SLC3A1: variants seen among roughly 807,000 people sequenced by gnomAD.
SLC3A1 encodes the protein solute carrier family 3 member 1.
In SLC3A1, 78 loss-of-function variants were observed where a neutral mutation model predicts 60.3. That is an observed-to-expected ratio of 1.29 (90% CI 1.08 to 1.56). The LOEUF is 1.56. SLC3A1 is among the 40% of genes most tolerant of loss of function. The probability of loss-of-function intolerance (pLI) is 0.00; values close to 1 mark genes in which losing one functional copy is unlikely to be tolerated. For missense variants in SLC3A1, 1,172 were observed against 858.9 expected (o/e 1.36, Z -4.56); for synonymous variants, 392 against 307.9 (o/e 1.27, Z -2.86).
chr2:44,291,905 CA>C (rs1322101076), intron 4 of SLC3A1, among the ~76,000 whole-genome samples: 2 of 152,162 alleles, frequency 1.3e-5, no homozygotes, highest in Admixed American at 1.3e-4. Context: ...TACTGGCCAT[CA>C]GGGGACTTGG....
chr2:44,299,031 CTTTTTTTTT>C (rs3074475), intron 4 of SLC3A1, among the ~76,000 whole-genome samples: 33 of 124,370 alleles, frequency 2.7e-4, no homozygotes, highest in African/African-American at 6.9e-4. Context: ...ATGTAGATTC[CTTTTTTTTT>C]TTTTTTTTTT....
intron 9 of SLC3A1, 31 bp from the exon 10 acceptor site, chr2:44,320,168 C>T: frequency 1.3e-6 from 2 of 1,530,162 alleles, no homozygotes; most frequent in South Asian, 2.3e-5. Flanking sequence ...TAGAATCAAA[C>T]ACTTACGTAA....
intron 7 of SLC3A1, among the ~76,000 whole-genome samples, chr2:44,305,997 G>A (rs1672145638): frequency 1.3e-5 from 2 of 152,174 alleles, no homozygotes; most frequent in East Asian, 3.9e-4. Context: ...CAGTTCACTG[G>A]TTAAGGGCAG....
chr2:44,308,555 CTAAG>C, intron 7 of SLC3A1, among the ~76,000 whole-genome samples: 1 of 152,006 alleles, frequency 6.6e-6, no homozygotes, highest in Admixed American at 6.5e-5. Flanking sequence ...CAGTTTATTC[CTAAG>C]TATTTTGTTC....
Position 44,320,627 on chromosome 2 carries a change from T to C in SLC3A1, c.2046T>C (p.Tyr682=). 1 of 1,613,660 alleles carries C rather than the reference T, an allele frequency of 6.2e-7. No individual in the cohort carries two copies. Residue 682 remains tyrosine, a synonymous_variant, in exon 10 of 10, where the codon TAT becomes TAC. Coordinates refer to ENST00000260649, the MANE Select transcript of SLC3A1 (RefSeq NM_000341.4). ...ACYSSVLNIL[Y]TSC ...ATTCCAGTGTACTGAACATACTGTA[T>C]ACCTCGTGTTAGGCACCTTTATGAA...
In SLC3A1 at chr2:44,285,921, A is replaced by C. The variant is rs1045278287; in HGVS notation, c.766-111A>C. 2.1e-6 allele frequency: 3 copies of C among 1,407,034 alleles called. No homozygotes were observed. The South Asian group carries it at 3.5e-5, about 16-fold the overall frequency. The allele number at this position is 1,407,034 out of a possible 1,614,324, so 87.2% of individuals were successfully genotyped here. On this transcript the variant is annotated intron_variant, in intron 3 of 9. Transcript: ENST00000260649. ...AACCTGCTGCTCTCTGTAGAAGGAA[A>C]ACTCTCAGGATTTACATACTCTGCC...
At position 44,297,861 on chromosome 2, in the gene SLC3A1, T is replaced by C. The variant is rs560241057; in HGVS notation, c.892-2110T>C. On this transcript the variant is annotated intron_variant, in intron 4 of 9. Transcript: ENST00000260649. Reference sequence around the variant, plus strand: ...GATCCTCCCACCTCAGCCTCCTAAATTGCTGAGATTACAGGTGTGAGCCGT... The same window carrying C: ...GATCCTCCCACCTCAGCCTCCTAAACTGCTGAGATTACAGGTGTGAGCCGT... Among the ~76,000 whole-genome samples the C allele has an allele frequency of 1.3e-4, 20 of 152,180 alleles. No individual in the cohort carries two copies. In the Middle Eastern group the frequency reaches 0.01, roughly 78 times the overall value.
intron 9 of SLC3A1, among the ~76,000 whole-genome samples, chr2:44,317,099 A>G (rs960128627): frequency 6.6e-6 from 1 of 152,072 alleles, no homozygotes; most frequent in African/African-American, 2.4e-5. Context: ...GCACAGGAAA[A>G]AGAGTAACTC....
intron 4 of SLC3A1, among the ~76,000 whole-genome samples, chr2:44,296,913 G>A (rs143921648): frequency 2.0e-5 from 3 of 152,052 alleles, no homozygotes; most frequent in African/African-American, 7.3e-5. Context: ...AAACTCTCTC[G>A]CCTGCTGTCA....
Position 44,320,907 on chromosome 2 carries a change from A to T in SLC3A1, c.*268A>T. 4.3e-6 allele frequency: 2 copies of T among 464,248 alleles called. No individual in the cohort carries two copies. Among genetic ancestry groups the T allele is most frequent in the Non-Finnish European group, 7.7e-6 (2 of 259,304 alleles). The allele number at this position is 464,248 out of a possible 1,614,324, so 28.8% of individuals were successfully genotyped here. A position where few individuals can be genotyped will look rare whatever the true frequency, so the allele number is the denominator to read the frequency against. On this transcript the variant is annotated 3_prime_UTR_variant, in exon 10 of 10. Coordinates refer to ENST00000260649, the MANE Select transcript of SLC3A1 (RefSeq NM_000341.4). ...AACACATTAGGACCCCAGATTATTC[A>T]AAAACTTTAACGAATTTTAAGGGGA...
intron 7 of SLC3A1, among the ~76,000 whole-genome samples, chr2:44,305,428 T>C (rs1421595014): frequency 1.2e-4 from 1 of 8,322 alleles, no homozygotes; most frequent in African/African-American, 1.0e-3. Context: ...CTTTTCTTAC[T>C]TTTTTTTTTT....
At chr2:44,289,883 G>A (rs1371155288) in intron 4 of SLC3A1, among the ~76,000 whole-genome samples, 2 of 151,366 alleles carry the variant, frequency 1.3e-5, no homozygotes, top group Non-Finnish European at 3.0e-5. Context: ...CACCCGCCTC[G>A]GCCTCCCAAA....
At chr2:44,321,637 C>G (rs75225457), downstream of SLC3A1, 16 of 1,495,456 alleles carry the variant, frequency 1.1e-5, no homozygotes, top group African/African-American at 1.3e-4. Context: ...ACAGAGCTCA[C>G]GTATCAAGTA....
At chr2:44,300,920 GA>G in intron 5 of SLC3A1, 82 bp from the exon 6 acceptor site, 1 of 1,554,642 alleles carries the variant, frequency 6.4e-7, no homozygotes. Flanking sequence ...GCCCTTTGAA[GA>G]GGTTGTCTAC....
Position 44,320,218 on chromosome 2 carries a change from G to C in SLC3A1, c.1637G>C (p.Arg546Thr), listed in dbSNP as rs769426700. 2 of 1,613,704 alleles carry C rather than the reference G, an allele frequency of 1.2e-6. No homozygotes were observed. Among genetic ancestry groups the C allele is most frequent in the Non-Finnish European group, 1.7e-6 (2 of 1,179,794 alleles). Residue 546 changes from arginine to threonine, a missense_variant, in exon 10 of 10, where the codon AGA (arginine) becomes ACA (threonine). Arg to Thr is a moderately conservative substitution (Grantham distance 71). Coordinates refer to ENST00000260649, the MANE Select transcript of SLC3A1 (RefSeq NM_000341.4). Reference protein sequence around the residue: ...VNVDVQKTQPRSALKLYQDLS... With the variant: ...VNVDVQKTQPTSALKLYQDLS... The stretch of plus-strand genomic sequence containing the variant: ...AAATAGGTCCAAAAGACTCAGCCCA[G>C]ATCGGCTTTGAAGTTATATCAAGAT...
rs566690281 is a variant in SLC3A1 at position 44,284,515 on chromosome 2, C to T, written c.766-1517C>T. On this transcript the variant is annotated intron_variant, in intron 3 of 9. Transcript: ENST00000260649. ...ATCCCCCACAGAAGTATAAAAAATA[C>T]ACATTCTCATTAATTCCTGATATTG... 2.4e-3 allele frequency among the ~76,000 whole-genome samples: 367 copies of T among 152,196 alleles called. 1 individual carries two copies. Among genetic ancestry groups the T allele is most frequent in the Non-Finnish European group, 3.7e-3 (249 of 68,012 alleles).
intron 7 of SLC3A1, among the ~76,000 whole-genome samples, chr2:44,306,654 A>G (rs1025611031): frequency 6.7e-6 from 1 of 150,086 alleles, no homozygotes; most frequent in African/African-American, 2.5e-5. Flanking sequence ...CCTGGGTTCA[A>G]GTAATTCTCC....
At chr2:44,310,081 A>G (rs1305974906) in intron 7 of SLC3A1, among the ~76,000 whole-genome samples, 1 of 151,900 alleles carries the variant, frequency 6.6e-6, no homozygotes, top group Non-Finnish European at 1.5e-5. Flanking sequence ...TTTTGTGGAG[A>G]TGGGGTTTTG....
chr2:44,278,292 A>G (rs995556488), intron 1 of SLC3A1, among the ~76,000 whole-genome samples: 2 of 151,870 alleles, frequency 1.3e-5, no homozygotes, highest in Admixed American at 1.3e-4. Flanking sequence ...AAAAAATACA[A>G]AAAAAATCAG....
Sources: gnomAD v4.1 joint callset for allele counts (sites outside exome capture counted in the v4.1 genomes callset) on GRCh38, gnomAD v4.1.1 for gene constraint, MANE v1.5 for transcripts, NCBI Gene and HGNC (gene_info 2026-07-23, HGNC 2026-07-21) for gene names.